The following THEM4 variants were observed in gnomAD, a reference collection of about 807,000 sequenced individuals.
THEM4 encodes acyl-coenzyme A thioesterase THEM4.
Under a neutral mutation model 25.0 loss-of-function variants are expected in THEM4, and 22 were observed. The ratio of observed to expected loss-of-function variants is 0.88; its 90% CI spans 0.63 to 1.26. The LOEUF is 1.26. Among genes scored for constraint, THEM4 ranks in the 50% most tolerant of loss-of-function variants. The pLI is 0.00. For synonymous variants in THEM4, 113 were observed against 105.6 expected (o/e 1.07, Z -0.43); for missense variants, 286 against 300.3 (o/e 0.95, Z 0.35).
chr1:151,876,862 A>C (rs943152291), intron 5 of THEM4, 139 bp downstream of exon 5: 28 of 1,015,660 alleles, frequency 2.8e-5, no homozygotes, highest in Middle Eastern at 3.3e-4. Flanking sequence ...ATGGGTTATA[A>C]TACCAGGGCA....
At position 151,909,503 on chromosome 1, in the gene THEM4, C is replaced by A. The variant is rs1308474490; in HGVS notation, c.-45G>T. 2 of 1,321,996 alleles carry A rather than the reference C, an allele frequency of 1.5e-6. No homozygotes were observed. The highest frequency in any genetic ancestry group is 8.1e-5 in the Admixed American group (2 of 24,774). The allele number at this position is 1,321,996 out of a possible 1,614,324, so 81.9% of individuals were successfully genotyped here. ...GCGCTTGCTCTAGCCCTGGACGGCG[C>A]ACTCTACCTCCGCCACAAGAGCGCG... On this transcript the variant is annotated 5_prime_UTR_variant, in exon 1 of 6. Coordinates refer to ENST00000368814, the MANE Select transcript of THEM4 (RefSeq NM_053055.5).
chr1:151,882,855 A>G (rs1455832074), intron 4 of THEM4, among the ~76,000 whole-genome samples: 1 of 152,294 alleles, frequency 6.6e-6, no homozygotes, highest in South Asian at 2.1e-4. Context: ...GTGAGATTAT[A>G]AAAATCATGA....
At chr1:151,889,103 T>C in intron 3 of THEM4, 111 bp downstream of exon 3, 1 of 712,818 alleles carries the variant, frequency 1.4e-6, no homozygotes, top group South Asian at 2.8e-5. Flanking sequence ...TCAATAAATA[T>C]ACATCTATGT....
intron 1 of THEM4, among the ~76,000 whole-genome samples, chr1:151,902,425 A>G (rs998628172): frequency 6.6e-6 from 1 of 152,144 alleles, no homozygotes; most frequent in Non-Finnish European, 1.5e-5. Context: ...TATGTTCTCA[A>G]TTATATGGGA....
chr1:151,891,176 C>G (rs897765639), intron 2 of THEM4: 8 of 152,150 alleles, frequency 5.3e-5, no homozygotes, highest in African/African-American at 1.9e-4. Context: ...TGCATTTTAA[C>G]AAGATTCCTA....
At position 151,874,705 on chromosome 1, in the gene THEM4, T is replaced by C; in HGVS notation, c.*183A>G. On this transcript the variant is annotated 3_prime_UTR_variant, in exon 6 of 6. Coordinates refer to ENST00000368814, the MANE Select transcript of THEM4 (RefSeq NM_053055.5). Reference sequence around the variant, plus strand: ...GTTGTCGATATGCTCGCAGGAAGTATTTCTGTGTTAAAAAGTTGAGAAGAT... The same window carrying C: ...GTTGTCGATATGCTCGCAGGAAGTACTTCTGTGTTAAAAAGTTGAGAAGAT... 1 of 678,946 alleles carries C rather than the reference T, an allele frequency of 1.5e-6. No individual in the cohort carries two copies. The highest frequency in any genetic ancestry group is 2.6e-6 in the Non-Finnish European group (1 of 379,494). 42.1% of individuals were successfully genotyped at this position (678,946 alleles called of 1,614,324 possible).
At chr1:151,884,049 T>G (rs912086385) in intron 4 of THEM4, among the ~76,000 whole-genome samples, 1 of 151,462 alleles carries the variant, frequency 6.6e-6, no homozygotes, top group Non-Finnish European at 1.5e-5. Flanking sequence ...CACTCCAGCC[T>G]GGGTGGCAGA....
At chr1:151,881,359 T>C (rs1223414599) in intron 4 of THEM4, among the ~76,000 whole-genome samples, 1 of 152,172 alleles carries the variant, frequency 6.6e-6, no homozygotes, top group East Asian at 1.9e-4. Context: ...ACATCAATAT[T>C]ACTTATAGAC....
At chr1:151,894,836 C>T (rs1407147666) in intron 2 of THEM4, 172 bp downstream of exon 2, 7 of 714,110 alleles carry the variant, frequency 9.8e-6, no homozygotes, top group African/African-American at 3.6e-5. Flanking sequence ...AGGCTTTATG[C>T]TCTCCAATCT....
chr1:151,877,224 C>T (rs1279919368), intron 4 of THEM4, 99 bp from the exon 5 acceptor site: 5 of 1,265,060 alleles, frequency 4.0e-6, no homozygotes, highest in Non-Finnish European at 5.4e-6. Context: ...AAATTTATGA[C>T]ACCTGACAAC....
chr1:151,903,961 G>C (rs1340185961), intron 1 of THEM4, among the ~76,000 whole-genome samples: 1 of 152,224 alleles, frequency 6.6e-6, no homozygotes, highest in Admixed American at 6.5e-5. Context: ...AGGTAAAACA[G>C]AGAGAAGACT....
chr1:151,882,885 T>G (rs1453152848), intron 4 of THEM4, among the ~76,000 whole-genome samples: 1 of 152,098 alleles, frequency 6.6e-6, no homozygotes, highest in African/African-American at 2.4e-5. Flanking sequence ...TTAGTTTATT[T>G]TCATGCTACT....
At chr1:151,880,301 C>T (rs886929774) in intron 4 of THEM4, among the ~76,000 whole-genome samples, 1 of 151,890 alleles carries the variant, frequency 6.6e-6, no homozygotes, top group Non-Finnish European at 1.5e-5. Context: ...CATGGTGAAA[C>T]CCTGTCTCTA....
chr1:151,872,112 G>A lies in THEM4; in HGVS notation c.*2776C>T, dbSNP rs968341672. The stretch of plus-strand genomic sequence containing the variant: ...TTCCCAGGCTCTCTCAGAATTTCTG[G>A]GAGAAGGAACTGCCAGCTTCACCCC... On this transcript the variant is annotated 3_prime_UTR_variant, in exon 6 of 6. Transcript: ENST00000368814. Among the ~76,000 whole-genome samples, 2 of 152,134 alleles carry A rather than the reference G, an allele frequency of 1.3e-5. No individual in the cohort carries two copies. Among genetic ancestry groups the A allele is most frequent in the African/African-American group, 4.8e-5 (2 of 41,412 alleles).
chr1:151,897,070 C>T (rs536695201), intron 1 of THEM4, among the ~76,000 whole-genome samples: 5 of 152,264 alleles, frequency 3.3e-5, no homozygotes, highest in Admixed American at 3.3e-4. Context: ...TCCTAGAGGA[C>T]CTGGAAGACA....
intron 4 of THEM4, among the ~76,000 whole-genome samples, chr1:151,882,732 A>AACC (rs1653872622): frequency 1.3e-5 from 2 of 152,198 alleles, no homozygotes; most frequent in Admixed American, 6.5e-5. Flanking sequence ...TTAGTAATAC[A>AACC]ACCACCACCA....
chr1:151,909,298 G>A, intron 1 of THEM4, 62 bp downstream of exon 1: 2 of 1,373,604 alleles, frequency 1.5e-6, no homozygotes, highest in Non-Finnish European at 2.0e-6. Context: ...CGAAGGCTCT[G>A]TTACCGCAGG....
chr1:151,898,287 G>T (rs1654269273), intron 1 of THEM4, among the ~76,000 whole-genome samples: 1 of 152,102 alleles, frequency 6.6e-6, no homozygotes, highest in South Asian at 2.1e-4. Context: ...GTTTGCATGG[G>T]AGCTGGGTGA....
chr1:151,899,361 C>T (rs1287986789), intron 1 of THEM4, among the ~76,000 whole-genome samples: 2 of 151,808 alleles, frequency 1.3e-5, no homozygotes, highest in East Asian at 3.9e-4. Flanking sequence ...CATGGTGGCA[C>T]ACGCCTGTAG....
Sources: gnomAD v4.1 joint callset for allele counts (sites outside exome capture counted in the v4.1 genomes callset) on GRCh38, gnomAD v4.1.1 for gene constraint, MANE v1.5 for transcripts, NCBI Gene and HGNC (gene_info 2026-07-23, HGNC 2026-07-21) for gene names.